NUP133: variants seen among roughly 807,000 people sequenced by gnomAD.
NUP133 encodes the protein nuclear pore complex protein Nup133.
In NUP133, 66 loss-of-function variants were observed where a neutral mutation model predicts 146.2. That is an observed-to-expected ratio of 0.45 (90% CI 0.37 to 0.55). The LOEUF (loss-of-function observed/expected upper bound fraction) is 0.55. Among genes scored for constraint, NUP133 ranks in the 20% least tolerant of loss-of-function variants. The pLI is 0.00. For synonymous variants in NUP133, 521 were observed against 498.8 expected, an observed-to-expected ratio of 1.04 and a Z score of -0.59; for missense variants, 1,277 against 1,374.8, an observed-to-expected ratio of 0.93 and a Z score of 1.12.
intron 25 of NUP133, among the ~76,000 whole-genome samples, chr1:229,442,461 G>T (rs1306378332): frequency 6.6e-6 from 1 of 152,140 alleles, no homozygotes. Flanking sequence ...ATAGGCAAAA[G>T]AATCATTTCT....
intron 1 of NUP133, among the ~76,000 whole-genome samples, chr1:229,506,410 T>C (rs932541532): frequency 9.9e-5 from 15 of 150,806 alleles, no homozygotes; most frequent in Admixed American, 3.3e-4. Flanking sequence ...CTTATAATTC[T>C]GCCTCCTTAG....
chr1:229,457,311 TAC>T (rs1431925941), intron 21 of NUP133, among the ~76,000 whole-genome samples: 3 of 152,180 alleles, frequency 2.0e-5, no homozygotes, highest in Non-Finnish European at 2.9e-5. Context: ...AATTCAATAA[TAC>T]AGAGTTTTTC....
intron 8 of NUP133, among the ~76,000 whole-genome samples, chr1:229,490,495 T>C (rs543575683): frequency 1.3e-5 from 2 of 151,910 alleles, no homozygotes; most frequent in East Asian, 3.9e-4. Context: ...TATGTTCCAT[T>C]TCTATGACAT....
chr1:229,471,455 T>C (rs16849812), intron 14 of NUP133, among the ~76,000 whole-genome samples: 4,663 of 152,186 alleles, frequency 0.031, 242 homozygotes, highest in African/African-American at 0.1. Flanking sequence ...TTAACTCCCC[T>C]AGGTTCCAGA....
intron 24 of NUP133, among the ~76,000 whole-genome samples, chr1:229,445,692 G>A (rs537957221): frequency 5.9e-5 from 9 of 152,238 alleles, no homozygotes; most frequent in Non-Finnish European, 1.3e-4. Flanking sequence ...TGTAATCAAT[G>A]GACATGATAA....
At chr1:229,505,564 T>TAGAA (rs765247187) in intron 2 of NUP133, among the ~76,000 whole-genome samples, 9 of 63,242 alleles carry the variant, frequency 1.4e-4, no homozygotes, top group Non-Finnish European at 1.8e-4. Flanking sequence ...CAATTACAGT[T>TAGAA]AAAAAAAAAA....
chr1:229,502,558 C>CAAAAAAAAAAAAAAAAAAAAA (rs58520087), intron 2 of NUP133, among the ~76,000 whole-genome samples: 1 of 43,118 alleles, frequency 2.3e-5, no homozygotes, highest in African/African-American at 9.5e-5. Context: ...GACTCCATCT[C>CAAAAAAAAAAAAAAAAAAAAA]AAAAAAAAAA....
intron 11 of NUP133, among the ~76,000 whole-genome samples, chr1:229,485,916 C>G (rs1316665007): frequency 6.6e-6 from 1 of 152,176 alleles, no homozygotes; most frequent in East Asian, 1.9e-4. Flanking sequence ...GTAATCCCAG[C>G]ACTTTGGGAG....
At chr1:229,498,444 T>C in intron 5 of NUP133, 138 bp from the exon 6 acceptor site, 3 of 577,304 alleles carry the variant, frequency 5.2e-6, no homozygotes, top group Non-Finnish European at 8.5e-6. Flanking sequence ...GTTATTTTAT[T>C]AAAGTAATAT....
At chr1:229,486,273 G>A (rs954888028) in intron 11 of NUP133, 98 bp downstream of exon 11, 4 of 1,091,738 alleles carry the variant, frequency 3.7e-6, no homozygotes, top group South Asian at 1.8e-5. Flanking sequence ...AATGAACTAC[G>A]ACTGTGCCAC....
chr1:229,478,539 C>T (rs73095919), intron 12 of NUP133, among the ~76,000 whole-genome samples: 4,229 of 152,106 alleles, frequency 0.028, 199 homozygotes, highest in African/African-American at 0.095. Context: ...ACTGAGGCTA[C>T]GGGAGAGGCT....
chr1:229,475,589 G>C (rs1388576302), intron 14 of NUP133, 49 bp downstream of exon 14: 2 of 1,367,998 alleles, frequency 1.5e-6, no homozygotes, highest in East Asian at 2.3e-5. Context: ...CACTGTGTTG[G>C]AGAGACTGCC....
intron 12 of NUP133, among the ~76,000 whole-genome samples, chr1:229,479,955 T>C (rs745816859): frequency 6.6e-6 from 1 of 152,030 alleles, no homozygotes; most frequent in African/African-American, 2.4e-5. Context: ...AGACTAAATA[T>C]GATTAATTGC....
At chr1:229,480,567 T>G (rs1004457571) in intron 12 of NUP133, among the ~76,000 whole-genome samples, 3 of 152,252 alleles carry the variant, frequency 2.0e-5, no homozygotes, top group Admixed American at 2.0e-4. Flanking sequence ...TAGCAAAAGA[T>G]TAAACAGACA....
rs541499624 is a variant in NUP133, at chr1:229,475,098, C to CAATA, written c.1851+536_1851+539dup. Among the ~76,000 whole-genome samples the CAATA allele has an allele frequency of 9.2e-3, 1,393 of 151,392 alleles. 30 individuals are homozygous for CAATA. Among genetic ancestry groups the CAATA allele is most frequent in the African/African-American group, 0.03 (1,234 of 41,156 alleles). ...GACTGGGCAACAGAGTGCCCTGTCT[C>CAATA]AATAAATAAATAAATAAATAAATAA... On this transcript the variant is annotated intron_variant, in intron 14 of 25. Transcript: ENST00000261396.
Position 229,486,428 on chromosome 1 carries a change from T to A in NUP133, c.1443A>T (p.Ile481=), listed in dbSNP as rs996895383. Residue 481 remains isoleucine, a synonymous_variant, in exon 11 of 26, where the codon ATA becomes ATT. Coordinates refer to ENST00000261396, the MANE Select transcript of NUP133 (RefSeq NM_018230.3). ...VSITSRENVS[I]LAEDLEGSLA... is the part of the protein sequence containing the mutation. ...AAGACCCTTCCAAGTCTTCTGCCAA[T>A]ATAGACACATTTTCCCTTGAAGTAA... The A allele has an allele frequency of 6.2e-7, 1 of 1,610,682 alleles. No individual in the cohort carries two copies. Among genetic ancestry groups the A allele is most frequent in the Non-Finnish European group, 8.5e-7 (1 of 1,179,078 alleles).
chr1:229,449,172 T>C lies in NUP133; in HGVS notation c.3199A>G (p.Asn1067Asp). 2 of 1,609,496 alleles carry C rather than the reference T, an allele frequency of 1.2e-6. No individual in the cohort carries two copies. Among genetic ancestry groups the C allele is most frequent in the Non-Finnish European group, 1.7e-6 (2 of 1,176,948 alleles). Residue 1067 changes from asparagine to aspartate, a missense_variant, in exon 24 of 26, where the codon AAT (asparagine) becomes GAT (aspartate). This residue lies in a region of NUP133 where 952 missense variants were observed against 1,047.0 expected (regional missense o/e 0.91). Coordinates refer to ENST00000261396, the MANE Select transcript of NUP133 (RefSeq NM_018230.3). ...CAAAGGATTTCCAGTTTTAGATCAT[T>C]TATATTTATATCTTCTTCCTTCACA... Reference protein sequence around the residue: ...YIDEEEDININDLKLEILCKA... With the variant: ...YIDEEEDINIDDLKLEILCKA...
intron 21 of NUP133, among the ~76,000 whole-genome samples, chr1:229,456,026 G>T (rs1660552011): frequency 6.6e-6 from 1 of 152,078 alleles, no homozygotes; most frequent in Admixed American, 6.6e-5. Flanking sequence ...TTTCATGTTG[G>T]TAAAGTTTTT....
chr1:229,490,064 G>T lies in NUP133; in HGVS notation c.1085C>A (p.Ala362Glu). 1 of 1,606,182 alleles carries T rather than the reference G, an allele frequency of 6.2e-7. No individual in the cohort carries two copies. Among genetic ancestry groups the T allele is most frequent in the Non-Finnish European group, 8.5e-7 (1 of 1,174,738 alleles). ...GTAATAGATGAGACATGGATTGTCT[G>T]CTGAGTGCCATGCTGCTGCCAAAAT... ...LVILAAAWHS[A>E]DNPCLIYYSL... Residue 362 changes from alanine (A) to glutamate (E), a missense_variant, in exon 9 of 26, where the codon GCA (alanine) becomes GAA (glutamate). Ala to Glu is a moderately radical substitution (Grantham distance 107). Transcript: ENST00000261396.
Sources: allele counts gnomAD v4.1 joint callset (sites outside exome capture counted in the v4.1 genomes callset), GRCh38; gene constraint gnomAD v4.1.1; regional missense constraint gnomAD v4.1.1; transcripts MANE v1.5; gene names NCBI Gene and HGNC (gene_info 2026-07-23, HGNC 2026-07-21).